RYR1: variants seen among roughly 807,000 people sequenced by gnomAD.
RYR1 encodes the protein ryanodine receptor 1, also known as central core disease of muscle.
In RYR1, 342 loss-of-function variants were observed where a neutral mutation model predicts 583.5. The ratio of observed to expected loss-of-function variants is 0.59; its 90% CI spans 0.54 to 0.64. RYR1 has a LOEUF of 0.64. RYR1 is among the 30% of genes least tolerant of loss of function. RYR1 has a pLI of 0.00. For synonymous variants in RYR1, 2,791 were observed against 2,822.5 expected, an observed-to-expected ratio of 0.99 and a Z score of 0.35; for missense variants, 6,032 against 6,917.2, an observed-to-expected ratio of 0.87 and a Z score of 4.54.
chr19:38,451,399 T>C (rs1967068234), intron 11 of RYR1, among the ~76,000 whole-genome samples: 1 of 151,054 alleles, frequency 6.6e-6, no homozygotes, highest in South Asian at 2.1e-4. Flanking sequence ...TAGAGCTTTC[T>C]GGTCGGGGGG....
chr19:38,507,852 T>A, intron 58 of RYR1, 25 bp downstream of exon 58: 3 of 1,460,414 alleles, frequency 2.1e-6, no homozygotes, highest in Non-Finnish European at 2.8e-6. Flanking sequence ...CCCCCGCTTA[T>A]GCCCGCCCCA....
Position 38,440,776 on chromosome 19 carries a change from C to T in RYR1, c.77C>T (p.Thr26Ile). ...GAGGTGGTCCTGCAGTGCAGCGCTACCGTGCTCAAGGAGCAGCTCAAGCTC... is the reference window on the plus strand; with the variant it reads ...GAGGTGGTCCTGCAGTGCAGCGCTATCGTGCTCAAGGAGCAGCTCAAGCTC... ...DDEVVLQCSA[T>I]VLKEQLKLCL... Residue 26 changes from threonine to isoleucine, a missense_variant, in exon 2 of 106, where the codon ACC becomes ATC. Around this residue, in one of 11 missense-constraint regions of RYR1, gnomAD observed 71 missense variants for 75.3 expected, o/e 0.94. Transcript: ENST00000359596. The T allele has an allele frequency of 1.9e-6, 3 of 1,609,036 alleles. No individual in the cohort carries two copies. The highest frequency in any genetic ancestry group is 2.5e-6 in the Non-Finnish European group (3 of 1,178,778).
chr19:38,559,625 G>C (rs143143964), intron 89 of RYR1, among the ~76,000 whole-genome samples: 4,303 of 152,074 alleles, frequency 0.028, 93 homozygotes, highest in Non-Finnish European at 0.042. Context: ...GAGGGGTTCC[G>C]GTGTGATTAT....
intron 26 of RYR1, 28 bp from the exon 27 acceptor site, chr19:38,469,277 C>A (rs1392333489): frequency 6.2e-7 from 1 of 1,612,724 alleles, no homozygotes; most frequent in East Asian, 2.2e-5. Flanking sequence ...CCTGCCCTCA[C>A]CCCTGCCCAT....
At chr19:38,468,908 A>T in intron 25 of RYR1, 58 bp from the exon 26 acceptor site, 4 of 1,569,524 alleles carry the variant, frequency 2.5e-6, no homozygotes, top group Non-Finnish European at 2.6e-6. Context: ...CTGCTTCCTT[A>T]TCTCTCCATT....
Position 38,537,977 on chromosome 19 carries a change from TG to T in RYR1, c.11689+21del. On this transcript the variant is annotated intron_variant, in intron 84 of 105. Coordinates refer to ENST00000359596, the MANE Select transcript of RYR1 (RefSeq NM_000540.3). ...ACAATAATGGTGAGGAGGAGGGGTG[TG>T]GGGTGGAGGGGAAGCCGAGGTTTGG... 2 of 1,228,046 alleles carry T rather than the reference TG, an allele frequency of 1.6e-6. No homozygotes were observed. The highest frequency in any genetic ancestry group is 2.4e-6 in the Non-Finnish European group (2 of 849,796). 76.1% of individuals were successfully genotyped at this position (1,228,046 alleles called of 1,614,324 possible).
chr19:38,585,030 C>T lies in RYR1; in HGVS notation c.14734C>T (p.Leu4912Phe). The T allele has an allele frequency of 6.2e-7, 1 of 1,614,072 alleles. No individual in the cohort carries two copies. Among genetic ancestry groups the T allele is most frequent in the East Asian group, 2.2e-5 (1 of 44,878 alleles). The change falls in exon 102 of 106, where the codon CTC (leucine) becomes TTC (phenylalanine). Residue 4912 changes from leucine (L) to phenylalanine (F), a missense_variant. Coordinates refer to ENST00000359596, the MANE Select transcript of RYR1 (RefSeq NM_000540.3). ...IEDPAGDEYE[L>F]YRVVFDITFF... Reference sequence around the variant, plus strand: ...GGACCCCGCGGGTGACGAATACGAGCTCTACAGGGTGGTCTTCGACATCAC... The same window carrying T: ...GGACCCCGCGGGTGACGAATACGAGTTCTACAGGGTGGTCTTCGACATCAC...
At position 38,500,884 on chromosome 19, in the gene RYR1, T is replaced by C. The variant is rs752085680; in HGVS notation, c.7508T>C (p.Val2503Ala). Reference sequence around the variant, plus strand: ...GTGCCGGACCACAAGGCGTCCATGGTGCTCTTCCTGGACCGTGTGTATGGC... The same window carrying C: ...GTGCCGGACCACAAGGCGTCCATGGCGCTCTTCCTGGACCGTGTGTATGGC... ...SFVPDHKASM[V>A]LFLDRVYGIE... Residue 2503 changes from valine to alanine, a missense_variant, in exon 47 of 106, where the codon GTG becomes GCG. Physicochemically the swap from Val to Ala is moderately conservative, Grantham distance 64. Coordinates refer to ENST00000359596, the MANE Select transcript of RYR1 (RefSeq NM_000540.3). This position sits in a 1 kb window ranked among gnomAD's most constrained non-coding sequence, Gnocchi z 5.9. 1.9e-6 allele frequency: 3 copies of C among 1,613,714 alleles called. No homozygotes were observed. The Admixed American group carries it at 5.0e-5, about 27-fold the overall frequency.
chr19:38,538,079 C>T, intron 84 of RYR1, 119 bp downstream of exon 84: 1 of 898,926 alleles, frequency 1.1e-6, no homozygotes, highest in Admixed American at 1.9e-5. Flanking sequence ...ACTCTCCAGC[C>T]AGTGTCAATC....
chr19:38,459,685 A>G (rs1967623844), intron 19 of RYR1, among the ~76,000 whole-genome samples: 1 of 151,866 alleles, frequency 6.6e-6, no homozygotes. Context: ...TCATGACTCC[A>G]GACCTTCCTT....
At chr19:38,497,581 A>G (rs1969904905) in intron 42 of RYR1, among the ~76,000 whole-genome samples, 1 of 152,222 alleles carries the variant, frequency 6.6e-6, no homozygotes, top group African/African-American at 2.4e-5. Flanking sequence ...AAGTGTTTGT[A>G]AAGGGGCAGT....
intron 3 of RYR1, among the ~76,000 whole-genome samples, chr19:38,442,873 C>T (rs558168774): frequency 1.3e-5 from 2 of 152,338 alleles, no homozygotes; most frequent in South Asian, 4.1e-4. Context: ...CCCAGCTCCT[C>T]TCCGCATGGG....
rs1283564361 is a variant in RYR1 at position 38,463,517 on chromosome 19, C to T, written c.2672C>T (p.Thr891Ile). 1.2e-6 allele frequency: 2 copies of T among 1,612,202 alleles called. No individual in the cohort carries two copies. The highest frequency in any genetic ancestry group is 1.7e-6 in the Non-Finnish European group (2 of 1,179,770). Reference protein sequence around the residue: ...WALTRIEQGWTYGPVRDDNKR... With the variant: ...WALTRIEQGWIYGPVRDDNKR... ...CTAACCCGCATCGAGCAGGGCTGGA[C>T]CTACGGCCCGGTGAGGGGCTGCCTG... is the stretch of plus-strand genomic sequence containing the variant. The change falls in exon 21 of 106, where the codon ACC becomes ATC. Residue 891 changes from threonine (T) to isoleucine (I), a missense_variant. Thr to Ile is a moderately conservative substitution (Grantham distance 89). Transcript: ENST00000359596.
chr19:38,451,710 G>T, intron 11 of RYR1, 54 bp from the exon 12 acceptor site: 1 of 1,611,220 alleles, frequency 6.2e-7, no homozygotes, highest in Non-Finnish European at 8.5e-7. Flanking sequence ...ACGTCTTGGG[G>T]GCATGGCCCT....
chr19:38,559,875 A>G (rs1973047303), intron 89 of RYR1, among the ~76,000 whole-genome samples: 1 of 151,880 alleles, frequency 6.6e-6, no homozygotes, highest in African/African-American at 2.4e-5. Flanking sequence ...ATAAAATAGA[A>G]CACTGCAGAG....
intron 13 of RYR1, among the ~76,000 whole-genome samples, chr19:38,454,912 G>T (rs1237903834): frequency 2.0e-5 from 3 of 152,068 alleles, no homozygotes; most frequent in Admixed American, 2.0e-4. Flanking sequence ...TGGGAGTGGG[G>T]TTCCTGGAAG....
intron 42 of RYR1, among the ~76,000 whole-genome samples, chr19:38,498,409 G>A (rs941573054): frequency 2.0e-5 from 3 of 152,104 alleles, no homozygotes; most frequent in Non-Finnish European, 2.9e-5. Context: ...GGGAGACAAG[G>A]GTGGACAGAA....
chr19:38,512,262 G>T lies in RYR1; in HGVS notation c.9251G>T (p.Gly3084Val). 1 of 1,614,208 alleles carries T rather than the reference G, an allele frequency of 6.2e-7. No homozygotes were observed. The highest frequency in any genetic ancestry group is 8.5e-7 in the Non-Finnish European group (1 of 1,180,040). Residue 3084 changes from glycine (G) to valine (V), a missense_variant, in exon 63 of 106, where the codon GGC becomes GTC. Physicochemically the swap from Gly to Val is moderately radical, Grantham distance 109. Transcript: ENST00000359596. The surrounding 1 kb of genome is among the most constrained non-coding windows in gnomAD (Gnocchi z 5.1). ...CCTTCTAGGACAGTGATGAAGTCAG[G>T]CCCTGAGATCGTGAAGGCTGGCCTC... ...SLDARTVMKS[G>V]PEIVKAGLRS...
intron 102 of RYR1, among the ~76,000 whole-genome samples, chr19:38,585,369 G>GAGATATATATATATATATATATATAT: frequency 7.1e-6 from 1 of 141,064 alleles, no homozygotes; most frequent in African/African-American, 2.6e-5. Context: ...AAAGGCCTGA[G>GAGATATATATATATATATATATATAT]ATATATATAT....
Sources: allele counts gnomAD v4.1 joint callset (sites outside exome capture counted in the v4.1 genomes callset), GRCh38; gene constraint gnomAD v4.1.1; regional missense constraint gnomAD v4.1.1; non-coding constraint Gnocchi (gnomAD v3.1); transcripts MANE v1.5; gene names NCBI Gene and HGNC (gene_info 2026-07-23, HGNC 2026-07-21).